ADAM2: variants seen among roughly 807,000 people sequenced by gnomAD.
ADAM2 encodes ADAM metallopeptidase domain 2.
ADAM2 carries 101 observed loss-of-function variants against 99.3 expected under a neutral mutation model. The observed-to-expected ratio is 1.02, with a 90% CI of 0.87 to 1.20. The LOEUF (loss-of-function observed/expected upper bound fraction) is 1.20, where lower values mean the gene tolerates loss of function less well. ADAM2 is among the 50% of genes most tolerant of loss of function. The pLI is 0.00. For synonymous variants in ADAM2, 323 were observed against 287.6 expected (o/e 1.12, Z -1.25); for missense variants, 948 against 878.7 (o/e 1.08, Z -1.00).
chr8:39,803,329 C>G (rs1232403420), intron 7 of ADAM2, among the ~76,000 whole-genome samples: 3 of 152,316 alleles, frequency 2.0e-5, no homozygotes, highest in East Asian at 1.9e-4. Flanking sequence ...TTTGTAAGAT[C>G]TGGCCTTCTG....
chr8:39,805,748 G>A (rs1240822650), intron 7 of ADAM2, among the ~76,000 whole-genome samples: 1 of 152,124 alleles, frequency 6.6e-6, no homozygotes, highest in Non-Finnish European at 1.5e-5. Context: ...ACAGCAGGGA[G>A]ACCACACGCT....
chr8:39,751,861 C>T (rs1801961556), intron 16 of ADAM2, among the ~76,000 whole-genome samples: 3 of 151,442 alleles, frequency 2.0e-5, no homozygotes, highest in Non-Finnish European at 2.9e-5. Context: ...GAGATAGGGT[C>T]TCACTCTGTT....
At chr8:39,753,923 G>T (rs1802055917) in intron 16 of ADAM2, among the ~76,000 whole-genome samples, 1 of 152,078 alleles carries the variant, frequency 6.6e-6, no homozygotes, top group South Asian at 2.1e-4. Flanking sequence ...AGTGTTTGTA[G>T]AATGGCTCTA....
intron 7 of ADAM2, among the ~76,000 whole-genome samples, chr8:39,799,585 T>A (rs1301847773): frequency 6.6e-6 from 1 of 152,180 alleles, no homozygotes; most frequent in Non-Finnish European, 1.5e-5. Context: ...CTCCTGAATA[T>A]CCTTGTTAAT....
chr8:39,773,026 A>G (rs1802843795), intron 11 of ADAM2, among the ~76,000 whole-genome samples: 1 of 150,434 alleles, frequency 6.6e-6, no homozygotes. Flanking sequence ...AAAAACAAAG[A>G]AAGACAAAAC....
intron 14 of ADAM2, among the ~76,000 whole-genome samples, chr8:39,763,765 C>T (rs989610436): frequency 1.3e-5 from 2 of 152,156 alleles, no homozygotes; most frequent in Non-Finnish European, 2.9e-5. Flanking sequence ...AAATTCTTTT[C>T]GGCAGTGAAG....
At chr8:39,822,398 T>C (rs1442219196) in intron 4 of ADAM2, among the ~76,000 whole-genome samples, 1 of 152,176 alleles carries the variant, frequency 6.6e-6, no homozygotes, top group African/African-American at 2.4e-5. Context: ...GAATAAGTCA[T>C]TTTTAAGTCA....
intron 6 of ADAM2, among the ~76,000 whole-genome samples, chr8:39,810,789 G>T (rs1586139209): frequency 6.6e-6 from 1 of 152,196 alleles, no homozygotes; most frequent in African/African-American, 2.4e-5. Context: ...AAAGCAGTGT[G>T]TAGAGGGAAA....
chr8:39,787,568 A>G (rs1208995655), intron 9 of ADAM2, among the ~76,000 whole-genome samples: 1 of 78,644 alleles, frequency 1.3e-5, no homozygotes, highest in East Asian at 6.1e-4. Flanking sequence ...ACATATATAT[A>G]CACACATAAT....
chr8:39,767,263 A>G lies in ADAM2; in HGVS notation c.1213-12T>C, dbSNP rs370400774. Reference sequence around the variant, plus strand: ...ATAAGGGCACAATCCTGTAAGGCAAATCAAATGCTCTGAAGTATTTTCCAA... The same window carrying G: ...ATAAGGGCACAATCCTGTAAGGCAAGTCAAATGCTCTGAAGTATTTTCCAA... On this transcript the variant is annotated splice_polypyrimidine_tract_variant and intron_variant, in intron 12 of 20. Coordinates refer to ENST00000265708, the MANE Select transcript of ADAM2 (RefSeq NM_001464.5). 21 of 1,586,840 alleles carry G rather than the reference A, an allele frequency of 1.3e-5. No homozygotes were observed. The East Asian group carries it at 3.1e-4, about 24-fold the overall frequency.
chr8:39,774,676 A>G (rs986111524), intron 11 of ADAM2: 2 of 152,082 alleles, frequency 1.3e-5, no homozygotes, highest in Non-Finnish European at 2.9e-5. Context: ...TCAAAATTGA[A>G]CAGAGAATAC....
At chr8:39,771,118 T>A (rs1358665375) in intron 11 of ADAM2, among the ~76,000 whole-genome samples, 1 of 152,204 alleles carries the variant, frequency 6.6e-6, no homozygotes, top group African/African-American at 2.4e-5. Context: ...CTCATCAACC[T>A]CAACTCACTC....
chr8:39,772,799 A>C (rs140252702), intron 11 of ADAM2, among the ~76,000 whole-genome samples: 2 of 152,084 alleles, frequency 1.3e-5, no homozygotes, highest in African/African-American at 4.8e-5. Context: ...TTTTTCCTTA[A>C]TCCATAATCA....
At chr8:39,753,256 T>C (rs1453309522) in intron 16 of ADAM2, among the ~76,000 whole-genome samples, 1 of 152,190 alleles carries the variant, frequency 6.6e-6, no homozygotes, top group Non-Finnish European at 1.5e-5. Context: ...ACTCTTGTTA[T>C]GTTTTAGCAA....
At chr8:39,796,123 T>C (rs1803930939) in intron 7 of ADAM2, among the ~76,000 whole-genome samples, 1 of 152,116 alleles carries the variant, frequency 6.6e-6, no homozygotes, top group Non-Finnish European at 1.5e-5. Context: ...GCAGGTTTAT[T>C]ACATAGGTAT....
At chr8:39,833,261 T>C (rs1805688621) in intron 3 of ADAM2, among the ~76,000 whole-genome samples, 1 of 152,130 alleles carries the variant, frequency 6.6e-6, no homozygotes, top group Admixed American at 6.5e-5. Context: ...TAGAAAACAT[T>C]TTCCAAAATT....
chr8:39,771,115 A>G, intron 11 of ADAM2, among the ~76,000 whole-genome samples: 1 of 152,174 alleles, frequency 6.6e-6, no homozygotes, highest in East Asian at 1.9e-4. Context: ...CTCCTCATCA[A>G]CCTCAACTCA....
At chr8:39,760,024 G>C (rs1008334236) in intron 15 of ADAM2, among the ~76,000 whole-genome samples, 2 of 152,020 alleles carry the variant, frequency 1.3e-5, no homozygotes, top group African/African-American at 4.8e-5. Flanking sequence ...CCGCCATCAT[G>C]CCTGGCTAAT....
chr8:39,833,968 G>A lies in ADAM2; in HGVS notation c.164C>T (p.Pro55Leu), dbSNP rs1805717350. 1 of 1,567,378 alleles carries A rather than the reference G, an allele frequency of 6.4e-7. No individual in the cohort carries two copies. Among genetic ancestry groups the A allele is most frequent in the Non-Finnish European group, 8.8e-7 (1 of 1,140,800 alleles). Reference sequence around the variant, plus strand: ...CTTTTGCATTAAATTCACAGTATATGGTTTCCCTTCAATTACAATTTTGTA... The same window carrying A: ...CTTTTGCATTAAATTCACAGTATATAGTTTCCCTTCAATTACAATTTTGTA... The part of the protein sequence containing the change: ...ASYKIVIEGK[P>L]YTVNLMQKNF... The change falls in exon 3 of 21, where the codon CCA (proline) becomes CTA (leucine). Residue 55 changes from proline to leucine, a missense_variant. Transcript: ENST00000265708.
Sources: allele counts gnomAD v4.1 joint callset (sites outside exome capture counted in the v4.1 genomes callset), GRCh38; gene constraint gnomAD v4.1.1; transcripts MANE v1.5; gene names NCBI Gene and HGNC (gene_info 2026-07-23, HGNC 2026-07-21).